TNFAIP8L3: variants seen among roughly 807,000 people sequenced by gnomAD.
TNFAIP8L3 encodes TNF alpha induced protein 8 like 3.
In TNFAIP8L3, 7 loss-of-function variants were observed where a neutral mutation model predicts 11.8. The observed-to-expected ratio is 0.59, with a 90% confidence interval of 0.34 to 1.11. TNFAIP8L3 has a LOEUF of 1.11. TNFAIP8L3 is among the 50% of genes most tolerant of loss of function. TNFAIP8L3 has a pLI of 0.03. For synonymous variants in TNFAIP8L3, 98 were observed against 103.8 expected (o/e 0.94, Z 0.34); for missense variants, 219 against 258.6 (o/e 0.85, Z 1.05).
chr15:51,088,449 C>A (rs191679279), intron 1 of TNFAIP8L3, among the ~76,000 whole-genome samples: 8 of 152,240 alleles, frequency 5.3e-5, no homozygotes, highest in African/African-American at 1.7e-4. Context: ...TTTTACAGAT[C>A]CAGTTTGAGG....
At chr15:51,073,194 C>G (rs921880978) in intron 1 of TNFAIP8L3, among the ~76,000 whole-genome samples, 3 of 152,004 alleles carry the variant, frequency 2.0e-5, no homozygotes, top group African/African-American at 7.3e-5. Flanking sequence ...TGGGGTTCCT[C>G]CATGTTGGTC....
intron 1 of TNFAIP8L3, among the ~76,000 whole-genome samples, chr15:51,061,821 C>T (rs893383768): frequency 6.6e-6 from 1 of 152,042 alleles, no homozygotes; most frequent in African/African-American, 2.4e-5. Flanking sequence ...TTGATAACTA[C>T]TTACTAAACA....
Position 51,084,438 on chromosome 15 carries a change from G to A in TNFAIP8L3, c.52+10106C>T, listed in dbSNP as rs75978117. On this transcript the variant is annotated intron_variant, in intron 1 of 1. Transcript: ENST00000637513. ...TTTATTTAGGTTTGTTTCTGCCCCC[G>A]CCCTGGCCAGTTTTAAATAGCAAAA... is the stretch of plus-strand genomic sequence containing the variant. Among the ~76,000 whole-genome samples, 853 of 152,158 alleles carry A rather than the reference G, an allele frequency of 5.6e-3. 7 individuals carry two copies. The highest frequency in any genetic ancestry group is 0.01 in the Non-Finnish European group (684 of 67,996).
At chr15:51,083,350 G>A (rs546673250) in intron 1 of TNFAIP8L3, among the ~76,000 whole-genome samples, 48 of 152,200 alleles carry the variant, frequency 3.2e-4, no homozygotes, top group African/African-American at 1.1e-3. Flanking sequence ...TAACAATCCC[G>A]TTACAACAGG....
rs933962862 is a variant in TNFAIP8L3 at position 51,058,591 on chromosome 15, C to T, written c.53-148G>A. ...CCCTCGCTCCCTAACTAAACCCCACCCCAGCCTGGTTCCCCCACTTTCCTC... is the reference window on the plus strand; with the variant it reads ...CCCTCGCTCCCTAACTAAACCCCACTCCAGCCTGGTTCCCCCACTTTCCTC... On this transcript the variant is annotated intron_variant, in intron 1 of 1. Coordinates refer to ENST00000637513, the MANE Select transcript of TNFAIP8L3 (RefSeq NM_001311175.2). The T allele has an allele frequency of 1.0e-5, 7 of 698,314 alleles. No homozygotes were observed. In the African/African-American group the frequency reaches 1.1e-4, roughly 11 times the overall value. 43.3% of individuals were successfully genotyped at this position (698,314 alleles called of 1,614,324 possible). A position where few individuals can be genotyped will look rare whatever the true frequency, so the allele number is the denominator to read the frequency against.
At position 51,058,058 on chromosome 15, in the gene TNFAIP8L3, A is replaced by C; in HGVS notation, c.438T>G (p.His146Gln). The change falls in exon 2 of 2, where the codon CAT (histidine) becomes CAG (glutamine). Residue 146 changes from histidine to glutamine, a missense_variant. Coordinates refer to ENST00000637513, the MANE Select transcript of TNFAIP8L3 (RefSeq NM_001311175.2). ...GCGTCAGGTGCCGCTGCACCAGTTC[A>C]TGCACCAGGTCCTTGCACTCATGCA... ...NLLHECKDLV[H>Q]ELVQRHLTPR... 6.2e-7 allele frequency: 1 copy of C among 1,614,136 alleles called. No individual in the cohort carries two copies. The highest frequency in any genetic ancestry group is 8.5e-7 in the Non-Finnish European group (1 of 1,180,006).
At position 51,063,656 on chromosome 15, in the gene TNFAIP8L3, C is replaced by T. The variant is rs151317419; in HGVS notation, c.53-5213G>A. 3.0e-3 allele frequency among the ~76,000 whole-genome samples: 461 copies of T among 152,316 alleles called. 1 individual carries two copies. The highest frequency in any genetic ancestry group is 5.8e-3 in the Non-Finnish European group (395 of 68,022). On this transcript the variant is annotated intron_variant, in intron 1 of 1. Transcript: ENST00000637513. The stretch of plus-strand genomic sequence containing the variant: ...TCTCTGCAATTATTGAGCATTTACT[C>T]TTAGTGTGGCTATGTAGCAAGTGCT...
At chr15:51,075,299 A>G (rs80216800) in intron 1 of TNFAIP8L3, among the ~76,000 whole-genome samples, 7,078 of 152,036 alleles carry the variant, frequency 0.047, 165 homozygotes, top group African/African-American at 0.073. Flanking sequence ...TGACCCAACA[A>G]CAGCAGCATC....
chr15:51,071,930 T>C (rs554453695), intron 1 of TNFAIP8L3, among the ~76,000 whole-genome samples: 5 of 152,352 alleles, frequency 3.3e-5, no homozygotes, highest in African/African-American at 1.2e-4. Context: ...AGAGTCAATG[T>C]ATTTGTGTTT....
At chr15:51,083,790 A>T (rs2065408573) in intron 1 of TNFAIP8L3, among the ~76,000 whole-genome samples, 1 of 152,218 alleles carries the variant, frequency 6.6e-6, no homozygotes, top group Non-Finnish European at 1.5e-5. Flanking sequence ...GGGGGTGAAC[A>T]GGGCAGAAGG....
upstream of TNFAIP8L3, among the ~76,000 whole-genome samples, chr15:51,099,891 G>A (rs754791122): frequency 1.3e-5 from 2 of 152,206 alleles, no homozygotes; most frequent in Non-Finnish European, 2.9e-5. Context: ...ACTGGGTGGG[G>A]CAATGTTACC....
chr15:51,077,690 A>G (rs1381629893), intron 1 of TNFAIP8L3, among the ~76,000 whole-genome samples: 2 of 152,214 alleles, frequency 1.3e-5, no homozygotes. Context: ...ACCCAGAGGG[A>G]GAACACCCTT....
Position 51,094,600 on chromosome 15 carries a change from C to T in TNFAIP8L3, c.-5G>A, listed in dbSNP as rs1181781878. On this transcript the variant is annotated 5_prime_UTR_variant, in exon 1 of 2. Coordinates refer to ENST00000637513, the MANE Select transcript of TNFAIP8L3 (RefSeq NM_001311175.2). This position sits in a 1 kb window ranked among gnomAD's most constrained non-coding sequence, Gnocchi z 4.4. The stretch of plus-strand genomic sequence containing the variant: ...CTCCCCGGAATCCGAATCCATGCTG[C>T]GGGCTGCTGGCTGGGCGTCCACGGC... 7 of 1,483,998 alleles carry T rather than the reference C, an allele frequency of 4.7e-6. No individual in the cohort carries two copies. Among genetic ancestry groups the T allele is most frequent in the Non-Finnish European group, 6.2e-6 (7 of 1,121,328 alleles). 91.9% of individuals were successfully genotyped at this position (1,483,998 alleles called of 1,614,324 possible).
At position 51,057,653 on chromosome 15, in the gene TNFAIP8L3, G is replaced by A. The variant is rs1381066848; in HGVS notation, c.*228C>T. 6 of 495,328 alleles carry A rather than the reference G, an allele frequency of 1.2e-5. No homozygotes were observed. The highest frequency in any genetic ancestry group is 2.1e-5 in the Non-Finnish European group (6 of 282,226). The allele number at this position is 495,328 out of a possible 1,614,324, so 30.7% of individuals were successfully genotyped here. A position where few individuals can be genotyped will look rare whatever the true frequency, so the allele number is the denominator to read the frequency against. On this transcript the variant is annotated 3_prime_UTR_variant, in exon 2 of 2. Transcript: ENST00000637513. The stretch of plus-strand genomic sequence containing the variant: ...CCTTTCTGCTTAGAATAGATGAAAT[G>A]TCCTTTGGGCTTGCACACAGGTGAT...
intron 1 of TNFAIP8L3, among the ~76,000 whole-genome samples, chr15:51,077,741 T>A (rs7172283): frequency 1.3e-5 from 2 of 152,194 alleles, no homozygotes; most frequent in Admixed American, 6.5e-5. Context: ...CTTAATAATA[T>A]GCACATGCGC....
intron 1 of TNFAIP8L3, among the ~76,000 whole-genome samples, chr15:51,073,127 G>C (rs1224399973): frequency 5.3e-5 from 8 of 151,820 alleles, no homozygotes; most frequent in African/African-American, 1.9e-4. Context: ...CTCCTGAGTA[G>C]CTGGGATTAC....
At chr15:51,091,259 C>G (rs1361458793) in intron 1 of TNFAIP8L3, among the ~76,000 whole-genome samples, 1 of 152,202 alleles carries the variant, frequency 6.6e-6, no homozygotes, top group Non-Finnish European at 1.5e-5. Flanking sequence ...TCCACTGCAG[C>G]GTGTTGCTCT....
intron 1 of TNFAIP8L3, among the ~76,000 whole-genome samples, chr15:51,085,621 CTT>C (rs201800961): frequency 8.5e-4 from 119 of 140,232 alleles, no homozygotes; most frequent in Non-Finnish European, 7.8e-4. Context: ...AGCTCCGATT[CTT>C]TTTTTTTTTT....
intron 1 of TNFAIP8L3, among the ~76,000 whole-genome samples, chr15:51,091,330 A>C (rs1418201571): frequency 6.6e-6 from 1 of 152,220 alleles, no homozygotes; most frequent in Non-Finnish European, 1.5e-5. Context: ...TCTTGAAAGT[A>C]GTACAGTAAA....
Sources: allele counts gnomAD v4.1 joint callset (sites outside exome capture counted in the v4.1 genomes callset), GRCh38; gene constraint gnomAD v4.1.1; non-coding constraint Gnocchi (gnomAD v3.1); transcripts MANE v1.5; gene names NCBI Gene and HGNC (gene_info 2026-07-23, HGNC 2026-07-21).